The following SH3D19 variants were observed in gnomAD, a reference collection of about 807,000 sequenced individuals.
The protein encoded by SH3D19 is SH3 domain-containing protein 19.
In SH3D19, 58 loss-of-function variants were observed where a neutral mutation model predicts 112.1. That is an observed-to-expected ratio of 0.52 (90% confidence interval 0.42 to 0.64). The LOEUF (loss-of-function observed/expected upper bound fraction) is 0.64. Ranked by LOEUF, SH3D19 falls within the 30% of genes least tolerant of loss-of-function variation. The probability of loss-of-function intolerance (pLI) is 0.00; values close to 1 mark genes in which losing one functional copy is unlikely to be tolerated. For synonymous variants in SH3D19, 391 were observed against 448.5 expected, an observed-to-expected ratio of 0.87 and a Z score of 1.62; for missense variants, 1,090 against 1,263.4, an observed-to-expected ratio of 0.86 and a Z score of 2.08.
chr4:151,165,806 C>A, intron 7 of SH3D19, 110 bp from the exon 8 acceptor site: 1 of 824,014 alleles, frequency 1.2e-6, no homozygotes, highest in South Asian at 1.8e-5. Context: ...GGAAACTATT[C>A]ATGGATAAAC....
intron 15 of SH3D19, among the ~76,000 whole-genome samples, chr4:151,133,484 T>C (rs1472003169): frequency 6.6e-6 from 1 of 152,192 alleles, no homozygotes; most frequent in Non-Finnish European, 1.5e-5. Flanking sequence ...TAGTTTACCC[T>C]GCTGTGTCTT....
intron 1 of SH3D19, among the ~76,000 whole-genome samples, chr4:151,274,572 T>C (rs1422904907): frequency 6.6e-6 from 1 of 152,224 alleles, no homozygotes; most frequent in Non-Finnish European, 1.5e-5. Context: ...TGGAATTCGG[T>C]TGAGCCATAT....
chr4:151,175,642 A>T lies in SH3D19; in HGVS notation c.562T>A (p.Phe188Ile). 1 of 1,308,766 alleles carries T rather than the reference A, an allele frequency of 7.6e-7. No homozygotes were observed. Among genetic ancestry groups the T allele is most frequent in the East Asian group, 2.8e-5 (1 of 35,214 alleles). 81.1% of individuals were successfully genotyped at this position (1,308,766 alleles called of 1,614,324 possible). ...AGATTGCCAGACGAGACTGCTGAGA[A>T]AGGCTGAAGAGGCTTGAGAGGTGCC... ...LQAPLKPLQPFSAVSSGNLPT... is the reference protein window; with the variant it reads ...LQAPLKPLQPISAVSSGNLPT... The change falls in exon 7 of 20, where the codon TTC (phenylalanine) becomes ATC (isoleucine). Residue 188 changes from phenylalanine to isoleucine, a missense_variant. Transcript: ENST00000604030.
At chr4:151,253,925 G>A (rs75521524) in intron 1 of SH3D19, among the ~76,000 whole-genome samples, 2 of 152,230 alleles carry the variant, frequency 1.3e-5, no homozygotes, top group South Asian at 2.1e-4. Flanking sequence ...ACAAACAAAT[G>A]AGGTTTCCTG....
Position 151,234,740 on chromosome 4 carries a change from T to TGTG in SH3D19, c.113-8655_113-8654insCAC, listed in dbSNP as rs1561387818. Among the ~76,000 whole-genome samples, 14 of 75,440 alleles carry TGTG rather than the reference T, an allele frequency of 1.9e-4. 1 individual carries two copies. The highest frequency in any genetic ancestry group is 7.7e-4 in the Admixed American group (5 of 6,528). 49.5% of individuals were successfully genotyped at this position (75,440 alleles called of 152,430 possible). Reference sequence around the variant, plus strand: ...TGTTTTCTTTCCAAGTTTGTGTTTTTTTTTTTTTTTTTTTTTTTTTTTTTT... The same window carrying TGTG: ...TGTTTTCTTTCCAAGTTTGTGTTTTTGTGTTTTTTTTTTTTTTTTTTTTTTTTT... On this transcript the variant is annotated intron_variant, in intron 1 of 19. Coordinates refer to ENST00000604030, the MANE Select transcript of SH3D19 (RefSeq NM_001378122.1).
chr4:151,129,248 TG>T (rs1228261637), intron 17 of SH3D19, among the ~76,000 whole-genome samples: 2 of 152,176 alleles, frequency 1.3e-5, no homozygotes, highest in Non-Finnish European at 2.9e-5. Context: ...GGTGGGCTAG[TG>T]TAAGAACACT....
At chr4:151,166,585 G>T (rs1024464830) in intron 7 of SH3D19, among the ~76,000 whole-genome samples, 2 of 151,814 alleles carry the variant, frequency 1.3e-5, no homozygotes, top group Admixed American at 1.3e-4. Flanking sequence ...CAGCACACAG[G>T]ATCGCATGAG....
At chr4:151,225,872 T>A (rs894349501) in intron 2 of SH3D19, among the ~76,000 whole-genome samples, 175 bp downstream of exon 2, 1 of 152,178 alleles carries the variant, frequency 6.6e-6, no homozygotes, top group Non-Finnish European at 1.5e-5. Context: ...AGTCAATAGT[T>A]TTATGTGAAA....
intron 1 of SH3D19, among the ~76,000 whole-genome samples, chr4:151,260,093 T>C (rs1439911130): frequency 6.6e-6 from 1 of 152,236 alleles, no homozygotes; most frequent in Non-Finnish European, 1.5e-5. Flanking sequence ...TTTATTTTAT[T>C]TGTATGCATT....
intron 1 of SH3D19, among the ~76,000 whole-genome samples, chr4:151,279,430 C>T (rs1423303242): frequency 1.3e-5 from 2 of 152,132 alleles, no homozygotes; most frequent in Admixed American, 6.5e-5. Context: ...AAGATTCCCA[C>T]TAATAGGTAG....
chr4:151,263,325 T>G (rs112731576), intron 1 of SH3D19, among the ~76,000 whole-genome samples: 41 of 152,284 alleles, frequency 2.7e-4, no homozygotes, highest in Middle Eastern at 3.4e-3. Context: ...GAGGTTAGTT[T>G]GCCACTTACT....
intron 2 of SH3D19, among the ~76,000 whole-genome samples, chr4:151,220,003 C>T (rs538306405): frequency 6.6e-6 from 1 of 151,772 alleles, no homozygotes; most frequent in Non-Finnish European, 1.5e-5. Context: ...ATCAGTTATT[C>T]AAGCACCATC....
chr4:151,325,164 C>T (rs903291903), intron 1 of SH3D19, 77 bp downstream of exon 1: 3 of 783,064 alleles, frequency 3.8e-6, no homozygotes, highest in African/African-American at 1.8e-5. Context: ...GGAGCTGCCG[C>T]TGTGTGGGGC....
At chr4:151,268,686 C>T (rs1379161648) in intron 1 of SH3D19, among the ~76,000 whole-genome samples, 5 of 138,696 alleles carry the variant, frequency 3.6e-5, no homozygotes, top group African/African-American at 5.4e-5. Context: ...TGAGAATATG[C>T]GGTGTTTGGT....
intron 1 of SH3D19, among the ~76,000 whole-genome samples, chr4:151,264,514 A>G (rs1772626258): frequency 6.6e-6 from 1 of 152,102 alleles, no homozygotes. Context: ...GTAAGTCAAC[A>G]AGGTGTGAAT....
chr4:151,174,720 G>T lies in SH3D19; in HGVS notation c.1484C>A (p.Thr495Asn). Residue 495 changes from threonine to asparagine, a missense_variant, in exon 7 of 20, where the codon ACC becomes AAC. By Grantham distance (65) the Thr-to-Asn change is moderately conservative. Coordinates refer to ENST00000604030, the MANE Select transcript of SH3D19 (RefSeq NM_001378122.1). ...LISFDDDVLP[T>N]PSGNLAEESV... ...TTCTTCAGCCAGGTTCCCCGATGGG[G>T]TGGGCAAAACATCATCATCAAAGCT... 1 of 1,514,808 alleles carries T rather than the reference G, an allele frequency of 6.6e-7. No individual in the cohort carries two copies. The highest frequency in any genetic ancestry group is 8.8e-7 in the Non-Finnish European group (1 of 1,133,482). The allele number at this position is 1,514,808 out of a possible 1,614,324, so 93.8% of individuals were successfully genotyped here.
intron 1 of SH3D19, among the ~76,000 whole-genome samples, chr4:151,293,365 C>T (rs1325311215): frequency 4.0e-5 from 6 of 150,910 alleles, no homozygotes; most frequent in Admixed American, 1.3e-4. Context: ...CCCAGCTACT[C>T]GGGAGGCTGA....
rs1056378760 is a variant in SH3D19 at position 151,246,730 on chromosome 4, G to A, written c.113-20644C>T. Among the ~76,000 whole-genome samples the A allele has an allele frequency of 6.6e-5, 10 of 152,244 alleles. No individual in the cohort carries two copies. In the South Asian group the frequency reaches 1.2e-3, roughly 19 times the overall value. On this transcript the variant is annotated intron_variant, in intron 1 of 19. Transcript: ENST00000604030. ...CCTTCTCAAGAGCCCTATGAAGTAT[G>A]TTCTCTTACCCAGAATTCCCATTTA...
intron 7 of SH3D19, chr4:151,165,934 A>G (rs1208135173): frequency 4.8e-6 from 2 of 412,654 alleles, no homozygotes; most frequent in African/African-American, 2.0e-5. Flanking sequence ...ATTGAGGATG[A>G]TCTTGAATTA....
Sources: gnomAD v4.1 joint callset for allele counts (sites outside exome capture counted in the v4.1 genomes callset) on GRCh38, gnomAD v4.1.1 for gene constraint, MANE v1.5 for transcripts, NCBI Gene and HGNC (gene_info 2026-07-23, HGNC 2026-07-21) for gene names.